Variants in ARHGAP39 observed in about 807,000 individuals in gnomAD.
ARHGAP39 encodes Rho GTPase activating protein 39.
A neutral mutation model predicts 106.9 loss-of-function variants in ARHGAP39; 44 were observed. That is an observed-to-expected ratio of 0.41 (90% CI 0.32 to 0.53). The LOEUF is 0.53. Ranked by LOEUF, ARHGAP39 falls within the 20% of genes least tolerant of loss-of-function variation. The pLI, the probability that ARHGAP39 is intolerant of heterozygous loss-of-function variation, is 0.21. For missense variants in ARHGAP39, 1,496 were observed against 1,577.3 expected (o/e 0.95, Z 0.87); for synonymous variants, 768 against 693.2 (o/e 1.11, Z -1.69).
intron 1 of ARHGAP39, among the ~76,000 whole-genome samples, chr8:144,617,585 CA>C (rs869298361): frequency 0.05 from 3,448 of 68,542 alleles, 77 homozygotes; most frequent in Admixed American, 0.13. Context: ...ACTGAAAAGA[CA>C]AAAAAAAAAA....
At chr8:144,637,070 TCA>T (rs745977639) in intron 1 of ARHGAP39, among the ~76,000 whole-genome samples, 1 of 152,376 alleles carries the variant, frequency 6.6e-6, no homozygotes, top group South Asian at 2.1e-4. Context: ...CAGTCTGTTT[TCA>T]CACAGTGTGT....
intron 1 of ARHGAP39, among the ~76,000 whole-genome samples, chr8:144,616,453 G>C (rs1456843974): frequency 4.6e-5 from 7 of 152,236 alleles, no homozygotes; most frequent in Non-Finnish European, 8.8e-5. Context: ...GGCACTACAA[G>C]GGTCAGACCC....
At chr8:144,572,004 T>TTCCA (rs1208450271) in intron 3 of ARHGAP39, among the ~76,000 whole-genome samples, 1 of 152,142 alleles carries the variant, frequency 6.6e-6, no homozygotes, top group African/African-American at 2.4e-5. Flanking sequence ...TGGAAGAACA[T>TTCCA]TCCATGCTCA....
intron 1 of ARHGAP39, among the ~76,000 whole-genome samples, chr8:144,638,751 G>A (rs1358453282): frequency 6.6e-6 from 1 of 152,062 alleles, no homozygotes; most frequent in African/African-American, 2.4e-5. Flanking sequence ...AGACTTTTGA[G>A]TGTTCTGTAG....
intron 1 of ARHGAP39, among the ~76,000 whole-genome samples, chr8:144,683,748 T>C (rs1259068017): frequency 6.6e-6 from 1 of 152,186 alleles, no homozygotes; most frequent in African/African-American, 2.4e-5. Flanking sequence ...TTCATCCAAA[T>C]ATGACCTCAG....
Position 144,545,804 on chromosome 8 carries a change from C to A in ARHGAP39, c.1966G>T (p.Asp656Tyr). The A allele has an allele frequency of 6.5e-7, 1 of 1,548,524 alleles. No homozygotes were observed. The highest frequency in any genetic ancestry group is 1.2e-5 in the South Asian group (1 of 82,986). ...TCGAACTGGGCACAGGCAGCGAGGT[C>A]CTCAGACTGAGAAGGACAAATGCGG... is the stretch of plus-strand genomic sequence containing the variant. ...EPYLHPSQSE[D>Y]LAACAQFESS... The change falls in exon 6 of 12, where the codon GAC becomes TAC. Residue 656 changes from aspartate (D) to tyrosine (Y), a missense_variant. Physicochemically the swap from Asp to Tyr is radical, Grantham distance 160. This residue lies in a region of ARHGAP39 where 905 missense variants were observed against 816.4 expected (regional missense o/e 1.11). Transcript: ENST00000377307.
At chr8:144,592,186 G>A (rs1450692289) in intron 2 of ARHGAP39, among the ~76,000 whole-genome samples, 3 of 152,198 alleles carry the variant, frequency 2.0e-5, no homozygotes, top group Non-Finnish European at 2.9e-5. Context: ...TCCTGCGCGC[G>A]TGTGGGCAGA....
chr8:144,695,579 T>C, the ARHGAP39 span, among the ~76,000 whole-genome samples: 1 of 152,172 alleles, frequency 6.6e-6, no homozygotes, highest in Admixed American at 6.5e-5. Context: ...TCTGTTTATT[T>C]AGCCAGCGGC....
chr8:144,538,177 C>G (rs1817042234), intron 6 of ARHGAP39, among the ~76,000 whole-genome samples: 1 of 152,244 alleles, frequency 6.6e-6, no homozygotes, highest in African/African-American at 2.4e-5. Context: ...GCCTGGGCCC[C>G]CTGCCTGCCG....
At chr8:144,695,145 G>T in the ARHGAP39 span, among the ~76,000 whole-genome samples, 1 of 144,116 alleles carries the variant, frequency 6.9e-6, no homozygotes, top group South Asian at 2.4e-4. Context: ...CGCTATCTCA[G>T]CTTACTGCAA....
At position 144,548,461 on chromosome 8, in the gene ARHGAP39, C is replaced by T. The variant is rs1454542635; in HGVS notation, c.625G>A (p.Ala209Thr). Residue 209 changes from alanine to threonine, a missense_variant, in exon 5 of 12, where the codon GCC becomes ACC. Around this residue, in one of 4 missense-constraint regions of ARHGAP39, gnomAD observed 905 missense variants for 816.4 expected, o/e 1.11. Transcript: ENST00000377307. The surrounding 1 kb of genome is among the most constrained non-coding windows in gnomAD (Gnocchi z 7.4). ...ACCTTGATGAGCATGCGCTCTTTGGCGCCCGAGTTCCACCGCAGCGAGGAG... is the reference window on the plus strand; with the variant it reads ...ACCTTGATGAGCATGCGCTCTTTGGTGCCCGAGTTCCACCGCAGCGAGGAG... ...RTSSLRWNSG[A>T]KERMLIKVAD... is the part of the protein sequence containing the mutation. 13 of 1,610,106 alleles carry T rather than the reference C, an allele frequency of 8.1e-6. No individual in the cohort carries two copies. Among genetic ancestry groups the T allele is most frequent in the South Asian group, 7.7e-5 (7 of 90,998 alleles).
chr8:144,601,155 T>A (rs1432221858), intron 2 of ARHGAP39, among the ~76,000 whole-genome samples: 1 of 142,190 alleles, frequency 7.0e-6, no homozygotes. Context: ...CTCGTGTACC[T>A]GTGTGTGTGC....
intron 3 of ARHGAP39, among the ~76,000 whole-genome samples, chr8:144,580,015 G>T (rs774193237): frequency 6.6e-6 from 1 of 151,294 alleles, no homozygotes; most frequent in Non-Finnish European, 1.5e-5. Flanking sequence ...CTGGCCTGCC[G>T]CCTGCCTCAG....
At chr8:144,622,717 A>G (rs983789090) in intron 1 of ARHGAP39, among the ~76,000 whole-genome samples, 1 of 152,274 alleles carries the variant, frequency 6.6e-6, no homozygotes, top group Middle Eastern at 3.2e-3. Context: ...TTAAAAATCT[A>G]TCACTGGGTT....
At chr8:144,554,400 G>A (rs1564844777) in intron 4 of ARHGAP39, among the ~76,000 whole-genome samples, 1 of 152,248 alleles carries the variant, frequency 6.6e-6, no homozygotes, top group East Asian at 1.9e-4. Flanking sequence ...CTCTGTGGGT[G>A]CCACAGATGA....
intron 6 of ARHGAP39, 26 bp downstream of exon 6, chr8:144,545,223 G>A: frequency 6.7e-7 from 1 of 1,484,800 alleles, no homozygotes; most frequent in Non-Finnish European, 9.0e-7. Flanking sequence ...ACCTGAGCTG[G>A]TGGCAAAGCC....
At chr8:144,552,736 G>T (rs910926826) in intron 4 of ARHGAP39, among the ~76,000 whole-genome samples, 2 of 152,044 alleles carry the variant, frequency 1.3e-5, no homozygotes, top group Non-Finnish European at 2.9e-5. Context: ...GCCAGGCTGA[G>T]GTAGTAGCAC....
intron 3 of ARHGAP39, among the ~76,000 whole-genome samples, chr8:144,575,772 T>C (rs1373824743): frequency 6.6e-6 from 1 of 152,214 alleles, no homozygotes; most frequent in Non-Finnish European, 1.5e-5. Context: ...TCAAGCACTA[T>C]GCACGGTTCA....
chr8:144,623,573 A>G (rs961322123), intron 1 of ARHGAP39, among the ~76,000 whole-genome samples: 5 of 152,246 alleles, frequency 3.3e-5, no homozygotes, highest in African/African-American at 1.2e-4. Context: ...CTCGCGGCAC[A>G]GACACAAAGC....
Sources: gnomAD v4.1 joint callset for allele counts (sites outside exome capture counted in the v4.1 genomes callset) on GRCh38, gnomAD v4.1.1 for gene constraint, gnomAD v4.1.1 regional missense constraint, Gnocchi (gnomAD v3.1) non-coding constraint, MANE v1.5 for transcripts, NCBI Gene and HGNC (gene_info 2026-07-23, HGNC 2026-07-21) for gene names.